HSF1: variants seen among roughly 807,000 people sequenced by gnomAD.
HSF1 encodes heat shock transcription factor 1.
A neutral mutation model predicts 51.7 loss-of-function variants in HSF1; 32 were observed. The observed-to-expected ratio is 0.62, with a 90% CI of 0.47 to 0.83. The LOEUF is 0.83. HSF1 is among the 40% of genes least tolerant of loss of function. The pLI is 0.00. For synonymous variants in HSF1, 396 were observed against 309.7 expected (o/e 1.28, Z -2.92); for missense variants, 727 against 717.0 (o/e 1.01, Z -0.16).
intron 1 of HSF1, among the ~76,000 whole-genome samples, chr8:144,296,701 C>T (rs1026378981): frequency 2.6e-5 from 4 of 151,524 alleles, no homozygotes; most frequent in Non-Finnish European, 5.9e-5. Flanking sequence ...CAGCTACTTG[C>T]GAGGCTGAGG....
chr8:144,313,665 G>GCCTCCCCGCCCCGCCTCC (rs1453812958), intron 10 of HSF1, 49 bp downstream of exon 10: 1 of 104,298 alleles, frequency 9.6e-6, no homozygotes, highest in African/African-American at 1.1e-4. Flanking sequence ...TCCCCGCCGC[G>GCCTCCCCGCCCCGCCTCC]CCGCCCCGCC....
In HSF1 at chr8:144,291,807, C is replaced by G. The variant is rs782076614; in HGVS notation, c.50C>G (p.Ala17Gly). ...GCGGCGGGGCCCAGCAACGTCCCGG[C>G]CTTCCTGACCAAGCTGTGGACCCTC... is the stretch of plus-strand genomic sequence containing the variant. ...PGAAGPSNVP[A>G]FLTKLWTLVS... Residue 17 changes from alanine to glycine, a missense_variant, in exon 1 of 13, where the codon GCC becomes GGC. Transcript: ENST00000528838. This position sits in a 1 kb window ranked among gnomAD's most constrained non-coding sequence, Gnocchi z 4.1. 3.9e-6 allele frequency: 6 copies of G among 1,554,486 alleles called. No homozygotes were observed. Among genetic ancestry groups the G allele is most frequent in the Non-Finnish European group, 5.2e-6 (6 of 1,154,894 alleles).
At position 144,297,025 on chromosome 8, in the gene HSF1, C is replaced by A. The variant is rs1034176721; in HGVS notation, c.117+5151C>A. 3.3e-5 allele frequency among the ~76,000 whole-genome samples: 5 copies of A among 152,120 alleles called. No homozygotes were observed. Among genetic ancestry groups the A allele is most frequent in the African/African-American group, 1.2e-4 (5 of 41,406 alleles). On this transcript the variant is annotated intron_variant, in intron 1 of 12. Transcript: ENST00000528838. The surrounding 1 kb of genome is among the most constrained non-coding windows in gnomAD (Gnocchi z 4.6). ...ATGCCTCCGGTGCCCCATGCCCACC[C>A]AACTCCACAGGCTAGTGTTTGCTCA...
chr8:144,310,177 C>G, intron 4 of HSF1: 1 of 410,274 alleles, frequency 2.4e-6, no homozygotes, highest in Non-Finnish European at 4.4e-6. Context: ...TGGCTCCGAG[C>G]TTGGCGGGAC....
intron 1 of HSF1, among the ~76,000 whole-genome samples, chr8:144,300,649 C>T (rs1554842121): frequency 1.3e-5 from 2 of 152,160 alleles, no homozygotes; most frequent in Non-Finnish European, 2.9e-5. Context: ...AACTGTTTGA[C>T]GAGTCCTCAA....
In HSF1 at chr8:144,314,230, G is replaced by A. The variant is rs2130491062; in HGVS notation, c.1490G>A (p.Gly497Asp). 6.5e-7 allele frequency: 1 copy of A among 1,550,298 alleles called. No homozygotes were observed. The highest frequency in any genetic ancestry group is 1.2e-5 in the South Asian group (1 of 84,066). The change falls in exon 13 of 13, where the codon GGC (glycine) becomes GAC (aspartate). Residue 497 changes from glycine (G) to aspartate (D), a missense_variant. By Grantham distance (94) the Gly-to-Asp change is moderately conservative. Transcript: ENST00000528838. ...CCGGTGCTGTTTGAGCTGGGAGAGG[G>A]CTCCTACTTCTCCGAAGGGGACGGC... is the stretch of plus-strand genomic sequence containing the variant. ...DLPVLFELGE[G>D]SYFSEGDGFA...
chr8:144,312,023 C>A lies in HSF1; in HGVS notation c.921C>A (p.Ser307Arg), dbSNP rs782723483. The change falls in exon 9 of 13, where the codon AGC becomes AGA. Residue 307 changes from serine (S) to arginine (R), a missense_variant. By Grantham distance (110) the Ser-to-Arg change is moderately radical. Coordinates refer to ENST00000528838, the MANE Select transcript of HSF1 (RefSeq NM_005526.4). ...VKEEPPSPPQ[S>R]PRVEEASPGR... is the part of the protein sequence containing the mutation. The stretch of plus-strand genomic sequence containing the variant: ...AGGAGCCCCCCAGCCCGCCTCAGAG[C>A]CCCCGGGTAGAGGAGGCGAGTCCCG... The A allele has an allele frequency of 6.2e-7, 1 of 1,604,462 alleles. No individual in the cohort carries two copies. The highest frequency in any genetic ancestry group is 8.5e-7 in the Non-Finnish European group (1 of 1,174,264).
chr8:144,294,764 C>G (rs1815344700), intron 1 of HSF1, among the ~76,000 whole-genome samples: 1 of 152,078 alleles, frequency 6.6e-6, no homozygotes, highest in Non-Finnish European at 1.5e-5. Flanking sequence ...ATTTCCCACC[C>G]CCCCCTCCCA....
chr8:144,301,413 C>CA (rs542640960), intron 1 of HSF1, among the ~76,000 whole-genome samples: 6 of 148,324 alleles, frequency 4.0e-5, no homozygotes, highest in South Asian at 2.1e-4. Flanking sequence ...AGCCCTGTCT[C>CA]AAAAAAAAAA....
At chr8:144,308,671 A>G (rs1013924773) in intron 1 of HSF1, among the ~76,000 whole-genome samples, 6 of 152,220 alleles carry the variant, frequency 3.9e-5, no homozygotes, top group African/African-American at 7.2e-5. Context: ...CCCACCGCCC[A>G]GTCCTGGGCC....
At chr8:144,306,068 TC>T (rs1270045255) in intron 1 of HSF1, among the ~76,000 whole-genome samples, 1 of 152,210 alleles carries the variant, frequency 6.6e-6, no homozygotes, top group Non-Finnish European at 1.5e-5. Flanking sequence ...ATTAAACTCT[TC>T]AGCTCCATAA....
chr8:144,300,979 T>C (rs1461188624), intron 1 of HSF1, among the ~76,000 whole-genome samples: 1 of 152,122 alleles, frequency 6.6e-6, no homozygotes, highest in Non-Finnish European at 1.5e-5. Flanking sequence ...AAGAAAAGAT[T>C]CCTGAACTAA....
chr8:144,301,726 G>A (rs548329430), intron 1 of HSF1, among the ~76,000 whole-genome samples: 50 of 152,100 alleles, frequency 3.3e-4, no homozygotes, highest in Non-Finnish European at 5.0e-4. Context: ...TTAGCCGGGC[G>A]TGGTGGCGGG....
chr8:144,293,084 G>A (rs1815210420), intron 1 of HSF1, among the ~76,000 whole-genome samples: 1 of 152,252 alleles, frequency 6.6e-6, no homozygotes, highest in Admixed American at 6.5e-5. Context: ...AGGCTCTGCT[G>A]AGTGCCTCCC....
intron 1 of HSF1, among the ~76,000 whole-genome samples, chr8:144,295,971 C>T (rs1419000652): frequency 6.6e-6 from 1 of 152,140 alleles, no homozygotes; most frequent in Non-Finnish European, 1.5e-5. Context: ...GCCCCAGCCT[C>T]ATGGGTGCAG....
At chr8:144,306,061 A>T (rs2130394647) in intron 1 of HSF1, among the ~76,000 whole-genome samples, 1 of 152,180 alleles carries the variant, frequency 6.6e-6, no homozygotes, top group East Asian at 1.9e-4. Flanking sequence ...CTGAGTTATT[A>T]AACTCTTCAG....
At chr8:144,296,475 C>T (rs1487154898) in intron 1 of HSF1, among the ~76,000 whole-genome samples, 3 of 152,172 alleles carry the variant, frequency 2.0e-5, no homozygotes, top group Non-Finnish European at 2.9e-5. Context: ...GTGCCCGGAC[C>T]ATAGTGCCTC....
rs782230678 is a variant in HSF1 at position 144,313,647 on chromosome 8, GCCC to G, written c.1248+33_1248+35del. The G allele has an allele frequency of 2.1e-3, 690 of 328,540 alleles. 20 individuals are homozygous for G. The African/African-American group carries it at 0.022, about 11-fold the overall frequency. 20.4% of individuals were successfully genotyped at this position (328,540 alleles called of 1,614,324 possible). A position where few individuals can be genotyped will look rare whatever the true frequency, so the allele number is the denominator to read the frequency against. ...TGGAGCCCCGCCGCCCCGCCTCCCC[GCCC>G]CGCCTCCCCGCCGCGCCGCCCCGCC... On this transcript the variant is annotated intron_variant, in intron 10 of 12. Transcript: ENST00000528838.
At chr8:144,309,325 G>A in intron 2 of HSF1, 130 bp from the exon 3 acceptor site, 1 of 1,319,030 alleles carries the variant, frequency 7.6e-7, no homozygotes, top group African/African-American at 1.5e-5. Flanking sequence ...ACCCAGGCAT[G>A]GGCTCTGAGG....
Sources: gnomAD v4.1 joint callset for allele counts (sites outside exome capture counted in the v4.1 genomes callset) on GRCh38, gnomAD v4.1.1 for gene constraint, Gnocchi (gnomAD v3.1) non-coding constraint, MANE v1.5 for transcripts, NCBI Gene and HGNC (gene_info 2026-07-23, HGNC 2026-07-21) for gene names.